The following SPTAN1 variants were observed in gnomAD, a reference collection of about 807,000 sequenced individuals.
The protein encoded by SPTAN1 is spectrin alpha chain, non-erythrocytic 1.
SPTAN1 carries 61 observed loss-of-function variants against 331.3 expected under a neutral mutation model. That is an observed-to-expected ratio of 0.18 (90% CI 0.15 to 0.23). The LOEUF is 0.23. SPTAN1 is among the 10% of genes least tolerant of loss of function. SPTAN1 has a pLI of 1.00. For synonymous variants in SPTAN1, 1,153 were observed against 1,173.9 expected (o/e 0.98, Z 0.36); for missense variants, 2,043 against 3,147.9 (o/e 0.65, Z 8.40).
At chr9:128,578,347 T>G (rs2131032811) in intron 9 of SPTAN1, 102 bp downstream of exon 9, 1 of 1,468,700 alleles carries the variant, frequency 6.8e-7, no homozygotes, top group Non-Finnish European at 9.4e-7. Flanking sequence ...GGTACCATGT[T>G]ATTCACAGGT....
intron 24 of SPTAN1, among the ~76,000 whole-genome samples, chr9:128,594,804 C>CTTTTTTTTTTTTTTTTTTTTTTATTT (rs10594067): frequency 1.4e-4 from 13 of 90,560 alleles, no homozygotes; most frequent in South Asian, 4.0e-4. Flanking sequence ...ATGTATGTAG[C>CTTTTTTTTTTTTTTTTTTTTTTATTT]TTTTTTTTTT....
intron 37 of SPTAN1, 87 bp from the exon 38 acceptor site, chr9:128,611,627 C>T: frequency 6.6e-7 from 1 of 1,515,214 alleles, no homozygotes; most frequent in South Asian, 1.1e-5. Context: ...TGTTTGCTGC[C>T]ACTCCCTGCC....
chr9:128,564,256 T>C (rs2132889415), intron 1 of SPTAN1, among the ~76,000 whole-genome samples: 1 of 152,062 alleles, frequency 6.6e-6, no homozygotes, highest in African/African-American at 2.4e-5. Context: ...CCGTCTCTAC[T>C]AAAAATACAA....
rs1239576352 is a variant in SPTAN1 at position 128,566,776 on chromosome 9, A to G, written c.36A>G (p.Ala12=). Residue 12 remains alanine (A), a synonymous_variant, in exon 2 of 57, where the codon GCA becomes GCG. Coordinates refer to ENST00000372739, the MANE Select transcript of SPTAN1 (RefSeq NM_001130438.3). ...DPSGVKVLET[A]EDIQERRQQV... is the part of the protein sequence containing the mutation. ...GTGGGGTCAAAGTGCTGGAAACAGC[A>G]GAGGACATCCAGGAGAGGCGGCAGC... 6.2e-7 allele frequency: 1 copy of G among 1,614,240 alleles called. No homozygotes were observed. The highest frequency in any genetic ancestry group is 1.6e-4 in the Middle Eastern group (1 of 6,062).
chr9:128,574,377 A>G (rs1851066851), intron 3 of SPTAN1, among the ~76,000 whole-genome samples: 1 of 149,148 alleles, frequency 6.7e-6, no homozygotes. Context: ...TAAAGATATT[A>G]TTAATAATAT....
At position 128,625,531 on chromosome 9, in the gene SPTAN1, G is replaced by T. The variant is rs1858601584; in HGVS notation, c.6070-238G>T. On this transcript the variant is annotated intron_variant, in intron 47 of 56. Coordinates refer to ENST00000372739, the MANE Select transcript of SPTAN1 (RefSeq NM_001130438.3). This position sits in a 1 kb window ranked among gnomAD's most constrained non-coding sequence, Gnocchi z 4.1. ...CGAGTGTTCTGGGCAGAGCTGGCAG[G>T]GATCCCTGGGGCGGGAGAGCGGAAG... Among the ~76,000 whole-genome samples, 1 of 152,184 alleles carries T rather than the reference G, an allele frequency of 6.6e-6. No individual in the cohort carries two copies. Among genetic ancestry groups the T allele is most frequent in the African/African-American group, 2.4e-5 (1 of 41,444 alleles).
At chr9:128,622,195 T>C (rs921147408) in intron 45 of SPTAN1, 3 of 152,080 alleles carry the variant, frequency 2.0e-5, no homozygotes, top group African/African-American at 7.3e-5. Flanking sequence ...TCCTGCACAC[T>C]TAACCCCCTG....
chr9:128,582,503 C>G lies in SPTAN1; in HGVS notation c.1597C>G (p.Leu533Val), dbSNP rs766776503. ...GGCATTAGATGAATTTGCAACCAAG[C>G]TAATTCAGAACAACCACTATGCAAT... ...ITALDEFATKLIQNNHYAMED... is the reference protein window; with the variant it reads ...ITALDEFATKVIQNNHYAMED... The change falls in exon 13 of 57, where the codon CTA becomes GTA. Residue 533 changes from leucine (L) to valine (V), a missense_variant. Around this residue, in one of 12 missense-constraint regions of SPTAN1, gnomAD observed 1,038 missense variants for 1,531.5 expected, o/e 0.68. Transcript: ENST00000372739. 6.2e-7 allele frequency: 1 copy of G among 1,614,188 alleles called. No homozygotes were observed. Among genetic ancestry groups the G allele is most frequent in the East Asian group, 2.2e-5 (1 of 44,890 alleles).
rs16930539 is a variant in SPTAN1, at chr9:128,630,314, C to T, written c.6708-7C>T. ...GGCCCCTTTCCTCACTGTCCTTCCACGTTTAGGTCCTGTATGGTGGAAGAG... is the reference window on the plus strand; with the variant it reads ...GGCCCCTTTCCTCACTGTCCTTCCATGTTTAGGTCCTGTATGGTGGAAGAG... On this transcript the variant is annotated splice_region_variant and splice_polypyrimidine_tract_variant and intron_variant, in intron 51 of 56. Transcript: ENST00000372739. 3.4e-3 allele frequency: 5,514 copies of T among 1,613,718 alleles called. 181 individuals are homozygous for T. The African/African-American group carries it at 0.063, about 18-fold the overall frequency.
At chr9:128,571,896 A>G (rs1278424734) in intron 3 of SPTAN1, among the ~76,000 whole-genome samples, 2 of 152,094 alleles carry the variant, frequency 1.3e-5, no homozygotes, top group Non-Finnish European at 2.9e-5. Context: ...TTGCTGTGTC[A>G]CCCATGCTGG....
At chr9:128,630,487 C>T in intron 52 of SPTAN1, 112 bp downstream of exon 52, 2 of 1,066,988 alleles carry the variant, frequency 1.9e-6, no homozygotes, top group Admixed American at 1.8e-5. Flanking sequence ...ATTATTGTAC[C>T]CTTTTCCCTT....
chr9:128,574,618 G>A, intron 3 of SPTAN1, 57 bp from the exon 4 acceptor site: 2 of 1,606,804 alleles, frequency 1.2e-6, no homozygotes, highest in Non-Finnish European at 1.7e-6. Context: ...CTATGGAAGA[G>A]CCAGATCCCA....
chr9:128,567,667 GA>G (rs1375998666), intron 2 of SPTAN1, among the ~76,000 whole-genome samples: 2 of 152,254 alleles, frequency 1.3e-5, no homozygotes, highest in Non-Finnish European at 1.5e-5. Flanking sequence ...AGATATCAAA[GA>G]ATAAGTACTT....
intron 52 of SPTAN1, chr9:128,631,816 T>G (rs1859783184): frequency 1.1e-5 from 4 of 378,364 alleles, no homozygotes; most frequent in Non-Finnish European, 2.0e-5. Context: ...AGACTCCATC[T>G]CAAAAAAATT....
chr9:128,573,780 G>A (rs1850992993), intron 3 of SPTAN1, among the ~76,000 whole-genome samples: 1 of 148,542 alleles, frequency 6.7e-6, no homozygotes, highest in Admixed American at 6.8e-5. Context: ...TTGAGACGGA[G>A]TCTCGCTCTG....
chr9:128,567,063 T>C (rs1850116101), intron 2 of SPTAN1, 86 bp downstream of exon 2: 3 of 1,577,610 alleles, frequency 1.9e-6, no homozygotes, highest in Non-Finnish European at 2.6e-6. Context: ...GTTACTTAAT[T>C]ATGACCTTGA....
Position 128,584,413 on chromosome 9 carries a change from C to T in SPTAN1, c.2325C>T (p.Ala775=). 1.9e-6 allele frequency: 3 copies of T among 1,614,120 alleles called. No homozygotes were observed. The highest frequency in any genetic ancestry group is 2.5e-6 in the Non-Finnish European group (3 of 1,180,026). The change falls in exon 17 of 57, where the codon GCC becomes GCT. Residue 775 remains alanine, a synonymous_variant. Transcript: ENST00000372739. ...AGGCACTCAAGGAGCCCATGGTTGCCCGGAAGCAGAAGCTGGCCGATTCTC... is the reference window on the plus strand; with the variant it reads ...AGGCACTCAAGGAGCCCATGGTTGCTCGGAAGCAGAAGCTGGCCGATTCTC... ...RYEALKEPMV[A]RKQKLADSLR...
Position 128,626,465 on chromosome 9 carries a change from C to A in SPTAN1, c.6354C>A (p.Asp2118Glu). The stretch of plus-strand genomic sequence containing the variant: ...GCTGGTTTGAAAATGCAGAGGAGGA[C>A]TTAACAGACCCCGTGCGCTGCAACT... Reference protein sequence around the residue: ...FNSWFENAEEDLTDPVRCNSL... With the variant: ...FNSWFENAEEELTDPVRCNSL... The change falls in exon 49 of 57, where the codon GAC becomes GAA. Residue 2118 changes from aspartate (D) to glutamate (E), a missense_variant. Transcript: ENST00000372739. The A allele has an allele frequency of 6.2e-7, 1 of 1,614,210 alleles. No individual in the cohort carries two copies. The highest frequency in any genetic ancestry group is 8.5e-7 in the Non-Finnish European group (1 of 1,180,044).
Position 128,629,022 on chromosome 9 carries a change from C to A in SPTAN1, c.6707+1080C>A. 1 of 396,904 alleles carries A rather than the reference C, an allele frequency of 2.5e-6. No individual in the cohort carries two copies. The highest frequency in any genetic ancestry group is 4.4e-6 in the Non-Finnish European group (1 of 225,152). The allele number at this position is 396,904 out of a possible 1,614,324, so 24.6% of individuals were successfully genotyped here. On this transcript the variant is annotated intron_variant, in intron 51 of 56. Transcript: ENST00000372739. The surrounding 1 kb of genome is among the most constrained non-coding windows in gnomAD (Gnocchi z 4.9). ...GGTACCCGCCGGGCACCAGGTTGCC[C>A]TTGCCTGCGCCCTGCCAGCTTGGGC...
Sources: allele counts gnomAD v4.1 joint callset (sites outside exome capture counted in the v4.1 genomes callset), GRCh38; gene constraint gnomAD v4.1.1; regional missense constraint gnomAD v4.1.1; non-coding constraint Gnocchi (gnomAD v3.1); transcripts MANE v1.5; gene names NCBI Gene and HGNC (gene_info 2026-07-23, HGNC 2026-07-21).